DDX60: variants seen among roughly 807,000 people sequenced by gnomAD.
The protein encoded by DDX60 is probable ATP-dependent RNA helicase DDX60.
Under a neutral mutation model 212.8 loss-of-function variants are expected in DDX60, and 165 were observed. The observed-to-expected ratio is 0.78, with a 90% CI of 0.68 to 0.88. DDX60 has a LOEUF of 0.88. DDX60 is among the 40% of genes least tolerant of loss of function. DDX60 has a pLI of 0.00. For synonymous variants in DDX60, 703 were observed against 685.3 expected (o/e 1.03, Z -0.40); for missense variants, 1,905 against 2,003.9 (o/e 0.95, Z 0.94).
At chr4:168,237,583 TATCA>T (rs1268290457) in intron 31 of DDX60, 104 bp downstream of exon 31, 1 of 1,148,230 alleles carries the variant, frequency 8.7e-7, no homozygotes. Context: ...TTATAAATAA[TATCA>T]ATCATTGGAT....
intron 6 of DDX60, among the ~76,000 whole-genome samples, chr4:168,294,660 C>T (rs960501273): frequency 1.3e-5 from 2 of 151,994 alleles, no homozygotes; most frequent in South Asian, 4.2e-4. Flanking sequence ...GCCACTACTG[C>T]CAGGCTAATT....
At chr4:168,250,559 C>T (rs114089968) in intron 28 of DDX60, among the ~76,000 whole-genome samples, 8,633 of 146,186 alleles carry the variant, frequency 0.059, 433 homozygotes, top group East Asian at 0.15. Flanking sequence ...AAGTCTTGCT[C>T]TTGTCCCCCA....
chr4:168,231,837 C>T (rs1224254356), intron 33 of DDX60, among the ~76,000 whole-genome samples: 1 of 151,972 alleles, frequency 6.6e-6, no homozygotes, highest in Non-Finnish European at 1.5e-5. Flanking sequence ...CACTCTTACT[C>T]AACATAGTAC....
At chr4:168,293,212 T>C (rs1281443703) in intron 7 of DDX60, among the ~76,000 whole-genome samples, 1 of 152,182 alleles carries the variant, frequency 6.6e-6, no homozygotes, top group Non-Finnish European at 1.5e-5. Context: ...TGGACCCTAC[T>C]GGCCATAAAG....
chr4:168,297,324 A>G (rs1297439234), intron 6 of DDX60, among the ~76,000 whole-genome samples: 1 of 74,558 alleles, frequency 1.3e-5, no homozygotes, highest in Admixed American at 1.3e-4. Context: ...GAAAGAAAGA[A>G]AGAAAGAAAG....
intron 9 of DDX60, 110 bp from the exon 10 acceptor site, chr4:168,287,313 G>T: frequency 9.4e-7 from 1 of 1,062,044 alleles, no homozygotes; most frequent in Non-Finnish European, 1.4e-6. Flanking sequence ...TTTCCACATA[G>T]TGAAATTTTT....
chr4:168,223,981 G>C (rs1733156290), intron 35 of DDX60, among the ~76,000 whole-genome samples: 2 of 151,982 alleles, frequency 1.3e-5, no homozygotes, highest in African/African-American at 4.8e-5. Context: ...GAAAACCTGT[G>C]TCAATATCAG....
chr4:168,236,216 T>C, intron 33 of DDX60, 36 bp downstream of exon 33: 6 of 1,595,408 alleles, frequency 3.8e-6, no homozygotes, highest in South Asian at 3.4e-5. Flanking sequence ...TTAGTGGTTT[T>C]ACATTACTAA....
At chr4:168,302,796 T>C (rs1040987612) in intron 5 of DDX60, among the ~76,000 whole-genome samples, 1 of 152,164 alleles carries the variant, frequency 6.6e-6, no homozygotes, top group African/African-American at 2.4e-5. Flanking sequence ...TTTAATGCCA[T>C]ATATTTTAAC....
intron 1 of DDX60, among the ~76,000 whole-genome samples, chr4:168,317,426 G>GA (rs1737443227): frequency 6.6e-6 from 1 of 151,764 alleles, no homozygotes; most frequent in South Asian, 2.1e-4. Context: ...ATGGAAAAGA[G>GA]AAAAAAGGAG....
chr4:168,321,687 C>T (rs1156601037), upstream of DDX60, among the ~76,000 whole-genome samples: 1 of 152,138 alleles, frequency 6.6e-6, no homozygotes, highest in African/African-American at 2.4e-5. Context: ...CACAGCATGC[C>T]ACTTACACAC....
At chr4:168,282,136 C>T (rs930578852) in intron 13 of DDX60, among the ~76,000 whole-genome samples, 3 of 152,112 alleles carry the variant, frequency 2.0e-5, no homozygotes, top group Non-Finnish European at 2.9e-5. Context: ...AGAGAAACAA[C>T]GATCACACAG....
chr4:168,233,452 C>A (rs1038808962), intron 33 of DDX60, among the ~76,000 whole-genome samples: 1 of 152,046 alleles, frequency 6.6e-6, no homozygotes, highest in Non-Finnish European at 1.5e-5. Flanking sequence ...AAATATGGAA[C>A]CAGCCTAAAT....
intron 30 of DDX60, among the ~76,000 whole-genome samples, chr4:168,239,004 C>T (rs1267330027): frequency 2.0e-5 from 3 of 152,066 alleles, no homozygotes; most frequent in Non-Finnish European, 4.4e-5. Context: ...TTCATACATC[C>T]TATTGCTTGG....
chr4:168,260,496 G>A (rs993838145), intron 25 of DDX60, among the ~76,000 whole-genome samples: 1 of 152,176 alleles, frequency 6.6e-6, no homozygotes, highest in Non-Finnish European at 1.5e-5. Context: ...TGGCACCGGG[G>A]ACTGGTTTCA....
In DDX60 at chr4:168,272,076, C is replaced by G; in HGVS notation, c.2637G>C (p.Trp879Cys). ...ILLLAPHRQN[W>C]VKKIRYVIFD... is the part of the protein sequence containing the mutation. ...ATATAACATATCTGATCTTTTTCAC[C>G]CAGTTTTGGCGATGAGGAGCAAGCA... Residue 879 changes from tryptophan to cysteine, a missense_variant, in exon 19 of 38, where the codon TGG becomes TGC. Transcript: ENST00000393743. 1 of 1,587,054 alleles carries G rather than the reference C, an allele frequency of 6.3e-7. No individual in the cohort carries two copies. The highest frequency in any genetic ancestry group is 2.3e-5 in the East Asian group (1 of 44,006).
intron 10 of DDX60, among the ~76,000 whole-genome samples, chr4:168,286,697 C>T (rs558349162): frequency 6.6e-6 from 1 of 151,986 alleles, no homozygotes; most frequent in African/African-American, 2.4e-5. Context: ...TTGAGCTTAG[C>T]TATAATGTTA....
chr4:168,285,611 T>G (rs1252088900), intron 10 of DDX60, 113 bp from the exon 11 acceptor site: 24 of 661,612 alleles, frequency 3.6e-5, no homozygotes, highest in African/African-American at 5.5e-5. Context: ...ATTAATCTTA[T>G]TTACATATAT....
At chr4:168,291,182 T>C (rs1736086322) in intron 8 of DDX60, among the ~76,000 whole-genome samples, 1 of 151,708 alleles carries the variant, frequency 6.6e-6, no homozygotes, top group Admixed American at 6.6e-5. Context: ...TGAAAGGAAA[T>C]AGAAAAACAT....
Sources: gnomAD v4.1 joint callset for allele counts (sites outside exome capture counted in the v4.1 genomes callset) on GRCh38, gnomAD v4.1.1 for gene constraint, MANE v1.5 for transcripts, NCBI Gene and HGNC (gene_info 2026-07-23, HGNC 2026-07-21) for gene names.